Variants in KRT15 observed in about 807,000 individuals in gnomAD.
The protein encoded by KRT15 is keratin, type I cytoskeletal 15.
KRT15 carries 45 observed loss-of-function variants against 46.6 expected under a neutral mutation model. That is an observed-to-expected ratio of 0.97 (90% CI 0.76 to 1.24). KRT15 has a LOEUF of 1.24. Among genes scored for constraint, KRT15 ranks in the 50% most tolerant of loss-of-function variants. The pLI is 0.00. For missense variants in KRT15, 592 were observed against 588.9 expected (o/e 1.01, Z -0.05); for synonymous variants, 221 against 233.8 (o/e 0.95, Z 0.50).
At chr17:41,516,730 T>C in intron 3 of KRT15, 78 bp downstream of exon 3, 1 of 1,553,714 alleles carries the variant, frequency 6.4e-7, no homozygotes, top group Non-Finnish European at 8.8e-7. Flanking sequence ...TGTCTTTCCC[T>C]CTGGGCAATT....
rs1167526205 is a variant in KRT15, at chr17:41,518,710, C to T, written c.118G>A (p.Gly40Arg). 6 of 1,613,114 alleles carry T rather than the reference C, an allele frequency of 3.7e-6. No individual in the cohort carries two copies. The highest frequency in any genetic ancestry group is 5.1e-6 in the Non-Finnish European group (6 of 1,179,328). The change falls in exon 1 of 8, where the codon GGA becomes AGA. Residue 40 changes from glycine to arginine, a missense_variant. By Grantham distance (125) the Gly-to-Arg change is moderately radical (BLOSUM62 -2). Coordinates refer to ENST00000254043, the MANE Select transcript of KRT15 (RefSeq NM_002275.4). Reference protein sequence around the residue: ...FGGGSLSGGGGSRSISASSAR... With the variant: ...FGGGSLSGGGRSRSISASSAR... ...GAAGAAGCTGAGATACTTCGGCTTC[C>T]ACCTCCCCCAGAGAGACTCCCCCCA...
chr17:41,515,812 A>C, intron 5 of KRT15, 73 bp downstream of exon 5: 1 of 1,610,582 alleles, frequency 6.2e-7, no homozygotes, highest in Non-Finnish European at 8.5e-7. Flanking sequence ...TGAGAACTCC[A>C]AGGCTTAAAT....
Position 41,513,943 on chromosome 17 carries a change from G to T in KRT15, c.*80C>A. Reference sequence around the variant, plus strand: ...TGAAGGCAGGGACTGGAGTTTGCATGTGCAGGCCCTCTGGCCAGTCCTCCA... The same window carrying T: ...TGAAGGCAGGGACTGGAGTTTGCATTTGCAGGCCCTCTGGCCAGTCCTCCA... On this transcript the variant is annotated 3_prime_UTR_variant, in exon 8 of 8. Coordinates refer to ENST00000254043, the MANE Select transcript of KRT15 (RefSeq NM_002275.4). The T allele has an allele frequency of 9.6e-7, 1 of 1,043,384 alleles. No individual in the cohort carries two copies. Among genetic ancestry groups the T allele is most frequent in the Non-Finnish European group, 1.5e-6 (1 of 660,374 alleles). The allele number at this position is 1,043,384 out of a possible 1,614,324, so 64.6% of individuals were successfully genotyped here.
rs1365908279 is a variant in KRT15 at position 41,513,825 on chromosome 17, T to C, written c.*198A>G. ...GCTTGTTACACAATACAGCTGCATC[T>C]CCTTGCTCCAAAGAAGGTGGGGAGA... On this transcript the variant is annotated 3_prime_UTR_variant, in exon 8 of 8. Transcript: ENST00000254043. The C allele has an allele frequency of 8.6e-6, 5 of 581,338 alleles. No homozygotes were observed. The highest frequency in any genetic ancestry group is 1.9e-5 in the South Asian group (1 of 51,604). 36.0% of individuals were successfully genotyped at this position (581,338 alleles called of 1,614,324 possible).
At chr17:41,516,068 T>C (rs774080729) in intron 4 of KRT15, 36 bp downstream of exon 4, 1 of 1,614,104 alleles carries the variant, frequency 6.2e-7, no homozygotes, top group East Asian at 2.2e-5. Flanking sequence ...CTCAGGGACC[T>C]GGGGCAGGAA....
chr17:41,514,578 T>C (rs1017571546), intron 7 of KRT15, 71 bp downstream of exon 7: 2 of 1,444,986 alleles, frequency 1.4e-6, no homozygotes, highest in Non-Finnish European at 1.9e-6. Context: ...CCTTCCTCCC[T>C]ATTCCGAAGG....
At chr17:41,515,816 C>T in intron 5 of KRT15, 69 bp downstream of exon 5, 3 of 1,611,392 alleles carry the variant, frequency 1.9e-6, no homozygotes, top group South Asian at 1.1e-5. Context: ...AACTCCAAGG[C>T]TTAAATAGCC....
chr17:41,517,885 CT>C (rs566599402), intron 1 of KRT15, among the ~76,000 whole-genome samples: 19 of 151,334 alleles, frequency 1.3e-4, no homozygotes, highest in Non-Finnish European at 2.7e-4. Flanking sequence ...GCGAGTTGCT[CT>C]TTTTTTTTAA....
Position 41,514,036 on chromosome 17 carries a change from T to A in KRT15, c.1358A>T (p.Lys453Met). Residue 453 changes from lysine (K) to methionine (M), a missense_variant, in exon 8 of 8, where the codon AAG becomes ATG. Physicochemically the swap from Lys to Met is moderately conservative, Grantham distance 95 (BLOSUM62 -1). Coordinates refer to ENST00000254043, the MANE Select transcript of KRT15 (RefSeq NM_002275.4). ...TGCAATAGACACTTAGATTTCTCTC[T>A]TGTGGGAAGAAACCACCTGTCCATC... ...SVDGQVVSSH[K>M]REI 6.2e-7 allele frequency: 1 copy of A among 1,612,806 alleles called. No homozygotes were observed. The highest frequency in any genetic ancestry group is 1.1e-5 in the South Asian group (1 of 91,064).
rs755703926 is a variant in KRT15, at chr17:41,518,330, C to T, written c.498G>A (p.Lys166=). The T allele has an allele frequency of 8.1e-6, 13 of 1,609,540 alleles. No homozygotes were observed. The highest frequency in any genetic ancestry group is 2.7e-5 in the African/African-American group (2 of 74,804). Residue 166 remains lysine, a splice_region_variant and synonymous_variant, in exon 1 of 8, where the codon AAG becomes AAA. Coordinates refer to ENST00000254043, the MANE Select transcript of KRT15 (RefSeq NM_002275.4). ...CTCTCTTTGACATCCGAGGACTCAC[C>T]TTGTCCCGGAGCTCTTCAATGGTCT... is the stretch of plus-strand genomic sequence containing the variant. ...YFKTIEELRD[K]IMATTIDNSR... is the part of the protein sequence containing the mutation.
chr17:41,517,248 T>C lies in KRT15; in HGVS notation c.499-83A>G, dbSNP rs1170447912. 22 of 1,201,088 alleles carry C rather than the reference T, an allele frequency of 1.8e-5. 1 individual carries two copies. The highest frequency in any genetic ancestry group is 3.0e-5 in the African/African-American group (2 of 66,776). 74.4% of individuals were successfully genotyped at this position (1,201,088 alleles called of 1,614,324 possible). On this transcript the variant is annotated intron_variant, in intron 1 of 7. Coordinates refer to ENST00000254043, the MANE Select transcript of KRT15 (RefSeq NM_002275.4). Reference sequence around the variant, plus strand: ...CTCTGCACCCAAGGCCAGCCCCTCATTGAAAATCACCCCTCACTGACAATC... The same window carrying C: ...CTCTGCACCCAAGGCCAGCCCCTCACTGAAAATCACCCCTCACTGACAATC...
At chr17:41,514,837 C>T (rs116218819) in intron 6 of KRT15, 163 bp from the exon 7 acceptor site, 4 of 609,872 alleles carry the variant, frequency 6.6e-6, no homozygotes, top group Non-Finnish European at 8.7e-6. Context: ...CCATCCAGGC[C>T]TGCTATCCCC....
chr17:41,516,137 G>T lies in KRT15; in HGVS notation c.867C>A (p.Asn289Lys), dbSNP rs778264547. The T allele has an allele frequency of 6.2e-7, 1 of 1,614,172 alleles. No individual in the cohort carries two copies. Among genetic ancestry groups the T allele is most frequent in the South Asian group, 1.1e-5 (1 of 91,082 alleles). ...AGAACCAGGCCTCGACATCCCGGCG[G>T]TTCTTCTCCGCCATGGCCTCGTACT... The part of the protein sequence containing the change: ...REQYEAMAEK[N>K]RRDVEAWFFS... Residue 289 changes from asparagine to lysine, a missense_variant, in exon 4 of 8, where the codon AAC becomes AAA. Transcript: ENST00000254043.
Position 41,515,501 on chromosome 17 carries a change from G to T in KRT15, c.1218C>A (p.Tyr406Ter). The T allele has an allele frequency of 6.2e-7, 1 of 1,613,804 alleles. No individual in the cohort carries two copies. Among genetic ancestry groups the T allele is most frequent in the Non-Finnish European group, 8.5e-7 (1 of 1,180,028 alleles). The change falls in exon 6 of 8, where the codon TAC becomes TAA. Residue 406 changes from tyrosine to a stop codon, truncating the protein, a stop_gained. Coordinates refer to ENST00000254043, the MANE Select transcript of KRT15 (RefSeq NM_002275.4). LOFTEE classifies it high-confidence loss of function. ...CATCCTGGCCCTCGAGCAGGCTGCGGTAAGTAGCGATCTCCTGCTCCAGCC... is the reference window on the plus strand; with the variant it reads ...CATCCTGGCCCTCGAGCAGGCTGCGTTAAGTAGCGATCTCCTGCTCCAGCC... The part of the protein sequence containing the change: ...KTRLEQEIAT[Y>*]RSLLEGQDAK...
Position 41,518,799 on chromosome 17 carries a change from G to A in KRT15, c.29C>T (p.Ser10Phe). The change falls in exon 1 of 8, where the codon TCC becomes TTC. Residue 10 changes from serine (S) to phenylalanine (F), a missense_variant. Transcript: ENST00000254043. MTTTFLQTS[S>F]STFGGGSTRG... The stretch of plus-strand genomic sequence containing the variant: ...GGTTGAGCCACCCCCAAAGGTGGAG[G>A]AAGAAGTTTGCAGAAATGTGGTGGT... 6.5e-7 allele frequency: 1 copy of A among 1,544,630 alleles called. No individual in the cohort carries two copies. The highest frequency in any genetic ancestry group is 1.3e-5 in the South Asian group (1 of 78,200).
rs1905293012 is a variant in KRT15 at position 41,515,138 on chromosome 17, A to G, written c.1247+334T>C. On this transcript the variant is annotated intron_variant, in intron 6 of 7. Transcript: ENST00000254043. ...CGCCTTGGACTCCCAAAGTGCTGGG[A>G]TTACAGGCATGAGCCACTGAGCTGG... 5 of 358,610 alleles carry G rather than the reference A, an allele frequency of 1.4e-5. No homozygotes were observed. The South Asian group carries it at 1.8e-4, about 13-fold the overall frequency. 22.2% of individuals were successfully genotyped at this position (358,610 alleles called of 1,614,324 possible). A position where few individuals can be genotyped will look rare whatever the true frequency, so the allele number is the denominator to read the frequency against.
intron 6 of KRT15, chr17:41,515,038 TG>T: frequency 3.6e-6 from 1 of 280,952 alleles, no homozygotes; most frequent in Non-Finnish European, 6.8e-6. Flanking sequence ...AGCTAATTTT[TG>T]TATTTTTAGT....
In KRT15 at chr17:41,516,041, C is replaced by T. The variant is rs181770518; in HGVS notation, c.901-31G>A. On this transcript the variant is annotated intron_variant, in intron 4 of 7. Transcript: ENST00000254043. ...GGTCATGCACAACAGAAGTGAGCCC[C>T]GGGGCCTCCTCGGAGACTCAGGGAC... The T allele has an allele frequency of 3.2e-5, 52 of 1,614,130 alleles. No homozygotes were observed. In the Admixed American group the frequency reaches 7.5e-4, roughly 23 times the overall value.
Position 41,513,932 on chromosome 17 carries a change from G to A in KRT15, c.*91C>T, listed in dbSNP as rs1905244608. On this transcript the variant is annotated 3_prime_UTR_variant, in exon 8 of 8. Coordinates refer to ENST00000254043, the MANE Select transcript of KRT15 (RefSeq NM_002275.4). ...TTTCAGCTCTCTGAAGGCAGGGACT[G>A]GAGTTTGCATGTGCAGGCCCTCTGG... 2.2e-6 allele frequency: 2 copies of A among 930,026 alleles called. No homozygotes were observed. The highest frequency in any genetic ancestry group is 1.6e-5 in the African/African-American group (1 of 61,868). The allele number at this position is 930,026 out of a possible 1,614,324, so 57.6% of individuals were successfully genotyped here. A position where few individuals can be genotyped will look rare whatever the true frequency, so the allele number is the denominator to read the frequency against.
Sources: gnomAD v4.1 joint callset for allele counts (sites outside exome capture counted in the v4.1 genomes callset) on GRCh38, gnomAD v4.1.1 for gene constraint, MANE v1.5 for transcripts, NCBI Gene and HGNC (gene_info 2026-07-23, HGNC 2026-07-21) for gene names.